PAX9: variants seen among roughly 807,000 people sequenced by gnomAD.
The protein encoded by PAX9 is paired box protein Pax-9.
A neutral mutation model predicts 29.1 loss-of-function variants in PAX9; 6 were observed. The observed-to-expected ratio is 0.21, with a 90% CI of 0.11 to 0.41. PAX9 has a LOEUF of 0.41. Ranked by LOEUF, PAX9 falls within the 10% of genes least tolerant of loss-of-function variation. The pLI is 1.00. For missense variants in PAX9, 443 were observed against 479.1 expected (o/e 0.92, Z 0.70); for synonymous variants, 217 against 211.7 (o/e 1.03, Z -0.22).
chr14:36,673,024 C>A (rs1486848694), intron 3 of PAX9, among the ~76,000 whole-genome samples: 2 of 151,534 alleles, frequency 1.3e-5, no homozygotes, highest in Non-Finnish European at 2.9e-5. Context: ...TGCCACCACA[C>A]CCGGCTAATT....
chr14:36,674,843 T>G (rs931132862), intron 3 of PAX9, among the ~76,000 whole-genome samples: 1 of 152,222 alleles, frequency 6.6e-6, no homozygotes, highest in African/African-American at 2.4e-5. Context: ...ATATTTTTCT[T>G]TTTTTGTCAG....
At chr14:36,658,137 C>T (rs1043751777), upstream of PAX9, among the ~76,000 whole-genome samples, 1 of 152,152 alleles carries the variant, frequency 6.6e-6, no homozygotes, top group African/African-American at 2.4e-5. Flanking sequence ...CCCTGCAAGA[C>T]GGGGACATAG....
At chr14:36,675,404 A>G (rs1881848427) in intron 3 of PAX9, among the ~76,000 whole-genome samples, 1 of 152,198 alleles carries the variant, frequency 6.6e-6, no homozygotes, top group South Asian at 2.1e-4. Context: ...GCAAACAAAG[A>G]TTTTAATTTC....
chr14:36,673,346 G>T (rs1400040954), intron 3 of PAX9, among the ~76,000 whole-genome samples: 1 of 152,122 alleles, frequency 6.6e-6, no homozygotes, highest in Non-Finnish European at 1.5e-5. Context: ...TTAAGTATGA[G>T]AAGTTGGACA....
In PAX9 at chr14:36,677,177, C is replaced by T. The variant is rs935883456; in HGVS notation, c.*725C>T. 12 of 152,230 alleles carry T rather than the reference C, an allele frequency of 7.9e-5. No homozygotes were observed. The highest frequency in any genetic ancestry group is 2.7e-4 in the African/African-American group (11 of 41,408). The allele number at this position is 152,230 out of a possible 1,614,324, so 9.4% of individuals were successfully genotyped here. On this transcript the variant is annotated 3_prime_UTR_variant, in exon 4 of 4. Coordinates refer to ENST00000361487, the MANE Select transcript of PAX9 (RefSeq NM_001372076.1). The stretch of plus-strand genomic sequence containing the variant: ...AGATATTCCCCTCCCCTCAGCCCCA[C>T]CCCCTCTCTATTTTTTTCTTTCTTT...
At position 36,678,100 on chromosome 14, in the gene PAX9, T is replaced by C. The variant is rs959079506; in HGVS notation, c.*1648T>C. On this transcript the variant is annotated 3_prime_UTR_variant, in exon 4 of 4. Transcript: ENST00000361487. ...AGAGCACCTCACTGGATATGGATGT[T>C]GAAGATGGATTCCCTAGGTGATTTT... 5.2e-6 allele frequency: 1 copy of C among 193,490 alleles called. No individual in the cohort carries two copies. The highest frequency in any genetic ancestry group is 2.3e-5 in the African/African-American group (1 of 43,388). The allele number at this position is 193,490 out of a possible 1,614,324, so 12.0% of individuals were successfully genotyped here.
chr14:36,672,267 C>A (rs1210857070), intron 3 of PAX9, among the ~76,000 whole-genome samples: 3 of 152,094 alleles, frequency 2.0e-5, no homozygotes, highest in Non-Finnish European at 4.4e-5. Context: ...ATGTTTGCTC[C>A]CACTATATTT....
At position 36,676,844 on chromosome 14, in the gene PAX9, G is replaced by A; in HGVS notation, c.*392G>A. 4.3e-6 allele frequency: 1 copy of A among 234,698 alleles called. No homozygotes were observed. The highest frequency in any genetic ancestry group is 8.5e-6 in the Non-Finnish European group (1 of 117,402). 14.5% of individuals were successfully genotyped at this position (234,698 alleles called of 1,614,324 possible). A position where few individuals can be genotyped will look rare whatever the true frequency, so the allele number is the denominator to read the frequency against. On this transcript the variant is annotated 3_prime_UTR_variant, in exon 4 of 4. Coordinates refer to ENST00000361487, the MANE Select transcript of PAX9 (RefSeq NM_001372076.1). ...ACCTGAACTTTTGAAATGTGCAATT[G>A]TTGAGATTTTGCAAAATCAATAAAG...
intron 2 of PAX9, chr14:36,666,230 C>T (rs1226558599): frequency 3.5e-6 from 2 of 566,152 alleles, no homozygotes; most frequent in Non-Finnish European, 6.3e-6. Context: ...TTCCCTCAGG[C>T]GTGGGTCAGA....
upstream of PAX9, among the ~76,000 whole-genome samples, chr14:36,658,347 G>T (rs1023534170): frequency 2.6e-5 from 4 of 151,196 alleles, no homozygotes; most frequent in Non-Finnish European, 5.9e-5. Context: ...TGGACAAGAG[G>T]CGGGCACCGT....
At chr14:36,662,153 AGGG>A in intron 1 of PAX9, 60 bp downstream of exon 1, 1 of 116,752 alleles carries the variant, frequency 8.6e-6, no homozygotes, top group South Asian at 1.2e-4. Context: ...CGAGCGGGCA[AGGG>A]AGGGAGGGAG....
chr14:36,679,024 A>G lies in PAX9; in HGVS notation c.*2572A>G, dbSNP rs902178122. 1.8e-5 allele frequency: 18 copies of G among 985,190 alleles called. No homozygotes were observed. Among genetic ancestry groups the G allele is most frequent in the Non-Finnish European group, 2.2e-5 (18 of 829,916 alleles). The allele number at this position is 985,190 out of a possible 1,614,324, so 61.0% of individuals were successfully genotyped here. A position where few individuals can be genotyped will look rare whatever the true frequency, so the allele number is the denominator to read the frequency against. ...GTAAAAGTGTTGCTTTTAAACTGGC[A>G]AATGCACTCTTCAGAAATCCTTTTC... On this transcript the variant is annotated 3_prime_UTR_variant, in exon 4 of 4. Coordinates refer to ENST00000361487, the MANE Select transcript of PAX9 (RefSeq NM_001372076.1).
At chr14:36,662,759 T>C (rs1594466623) in intron 1 of PAX9, 138 bp from the exon 2 acceptor site, 2 of 1,012,202 alleles carry the variant, frequency 2.0e-6, no homozygotes, top group East Asian at 2.4e-5. Flanking sequence ...AGGGACCATA[T>C]GGTTTGGGGA....
Position 36,678,917 on chromosome 14 carries a change from A to C in PAX9, c.*2465A>C. On this transcript the variant is annotated 3_prime_UTR_variant, in exon 4 of 4. Coordinates refer to ENST00000361487, the MANE Select transcript of PAX9 (RefSeq NM_001372076.1). ...TAAAGCCACTTTTTAAAATACGAGA[A>C]GGAAAATAGGATGGATTAAAGGGTT... The C allele has an allele frequency of 2.0e-6, 2 of 979,246 alleles. No homozygotes were observed. Among genetic ancestry groups the C allele is most frequent in the Non-Finnish European group, 2.4e-6 (2 of 823,914 alleles). The allele number at this position is 979,246 out of a possible 1,614,324, so 60.7% of individuals were successfully genotyped here.
chr14:36,663,979 G>A (rs1465330535), intron 2 of PAX9, among the ~76,000 whole-genome samples: 3 of 152,230 alleles, frequency 2.0e-5, no homozygotes, highest in African/African-American at 7.2e-5. Context: ...AAGTCTGGCC[G>A]GGAGGAGTCC....
chr14:36,666,229 G>A (rs548060160), intron 2 of PAX9: 2 of 565,678 alleles, frequency 3.5e-6, no homozygotes, highest in Admixed American at 6.2e-5. Flanking sequence ...CTTCCCTCAG[G>A]CGTGGGTCAG....
chr14:36,678,056 A>C lies in PAX9; in HGVS notation c.*1604A>C, dbSNP rs554396280. On this transcript the variant is annotated 3_prime_UTR_variant, in exon 4 of 4. Transcript: ENST00000361487. ...ATATATTGAGGGTTTTTTGGTACTA[A>C]TTCTGTGCAATAACTAAAAGAGCAC... The C allele has an allele frequency of 6.2e-6, 1 of 161,772 alleles. No homozygotes were observed. Among genetic ancestry groups the C allele is most frequent in the African/African-American group, 2.4e-5 (1 of 41,982 alleles). The allele number at this position is 161,772 out of a possible 1,614,324, so 10.0% of individuals were successfully genotyped here.
At chr14:36,676,156 C>T (rs962298468) in intron 3 of PAX9, 42 bp from the exon 4 acceptor site, 6 of 1,607,760 alleles carry the variant, frequency 3.7e-6, no homozygotes, top group Non-Finnish European at 5.1e-6. Context: ...ATGTTCACTC[C>T]TATAATGTGA....
chr14:36,661,819 T>C (rs1484517291), upstream of PAX9: 4 of 551,998 alleles, frequency 7.2e-6, no homozygotes, highest in East Asian at 1.3e-4. Flanking sequence ...TTTTAGGGCG[T>C]GTCCCCAGTG....
Sources: gnomAD v4.1 joint callset for allele counts (sites outside exome capture counted in the v4.1 genomes callset) on GRCh38, gnomAD v4.1.1 for gene constraint, MANE v1.5 for transcripts, NCBI Gene and HGNC (gene_info 2026-07-23, HGNC 2026-07-21) for gene names.